Variants in LRRK1 observed in about 807,000 individuals in gnomAD.
The protein encoded by LRRK1 is leucine-rich repeat serine/threonine-protein kinase 1.
A neutral mutation model predicts 209.1 loss-of-function variants in LRRK1; 113 were observed. The observed-to-expected ratio is 0.54, with a 90% CI of 0.46 to 0.63. The LOEUF is 0.63. Ranked by LOEUF, LRRK1 falls within the 30% of genes least tolerant of loss-of-function variation. The pLI, the probability that LRRK1 is intolerant of heterozygous loss-of-function variation, is 0.00. For missense variants in LRRK1, 2,284 were observed against 2,632.2 expected (o/e 0.87, Z 2.89); for synonymous variants, 1,144 against 1,099.7 (o/e 1.04, Z -0.80).
intron 12 of LRRK1, among the ~76,000 whole-genome samples, chr15:101,017,689 T>A (rs2033606480): frequency 6.6e-6 from 1 of 152,172 alleles, no homozygotes; most frequent in South Asian, 2.1e-4. Context: ...ATCCCTAAAC[T>A]GTCCCCCTCA....
intron 20 of LRRK1, among the ~76,000 whole-genome samples, chr15:101,036,782 A>G (rs370063327): frequency 3.3e-5 from 5 of 152,224 alleles, no homozygotes; most frequent in African/African-American, 1.2e-4. Context: ...CTTTCTCCTG[A>G]AGAGGCATCT....
chr15:100,919,527 G>A lies in LRRK1; in HGVS notation c.-123+76G>A, dbSNP rs2041980240. 1 of 147,080 alleles carries A rather than the reference G, an allele frequency of 6.8e-6. No individual in the cohort carries two copies. The highest frequency in any genetic ancestry group is 6.8e-5 in the Admixed American group (1 of 14,806). The allele number at this position is 147,080 out of a possible 1,614,324, so 9.1% of individuals were successfully genotyped here. A position where few individuals can be genotyped will look rare whatever the true frequency, so the allele number is the denominator to read the frequency against. ...CCCGCCCGGGGAACCCAGAGCCCGC[G>A]CCCGGCGCCCGCGGGGAGCCTCGGC... On this transcript the variant is annotated intron_variant, in intron 1 of 33. Transcript: ENST00000388948. This position sits in a 1 kb window ranked among gnomAD's most constrained non-coding sequence, Gnocchi z 5.8.
At chr15:101,067,063 T>TC in intron 33 of LRRK1, among the ~76,000 whole-genome samples, 1 of 152,304 alleles carries the variant, frequency 6.6e-6, no homozygotes, top group East Asian at 1.9e-4. Context: ...GGTCATTGAT[T>TC]CACTGTTCTT....
chr15:100,931,884 C>T (rs777013528), intron 2 of LRRK1, among the ~76,000 whole-genome samples: 2 of 152,244 alleles, frequency 1.3e-5, no homozygotes, highest in Non-Finnish European at 2.9e-5. Flanking sequence ...TTCCACAATT[C>T]ACACAGTGGA....
chr15:100,928,023 C>T (rs970260436), intron 2 of LRRK1, among the ~76,000 whole-genome samples: 1 of 152,270 alleles, frequency 6.6e-6, no homozygotes, highest in African/African-American at 2.4e-5. Flanking sequence ...GTGGCCACGT[C>T]TGTGTGCTGG....
chr15:100,934,658 C>T lies in LRRK1; in HGVS notation c.97+9929C>T, dbSNP rs1014519677. Among the ~76,000 whole-genome samples, 34 of 147,740 alleles carry T rather than the reference C, an allele frequency of 2.3e-4. 1 individual carries two copies. The highest frequency in any genetic ancestry group is 8.2e-4 in the African/African-American group (33 of 40,004). On this transcript the variant is annotated intron_variant, in intron 2 of 33. Transcript: ENST00000388948. ...AAAAAAAAAAAAAAAAAAAATTAGC[C>T]GGTCGTGGAGGCACACACCTGTGGT... is the stretch of plus-strand genomic sequence containing the variant.
chr15:100,953,398 C>A (rs1008485539), intron 2 of LRRK1, among the ~76,000 whole-genome samples: 2 of 151,968 alleles, frequency 1.3e-5, no homozygotes, highest in Non-Finnish European at 2.9e-5. Flanking sequence ...CTGTGTCTGG[C>A]CTATTTCACT....
chr15:100,990,759 A>C (rs1406709389), intron 6 of LRRK1, among the ~76,000 whole-genome samples: 1 of 140,812 alleles, frequency 7.1e-6, no homozygotes, highest in South Asian at 2.2e-4. Context: ...TTAAGACTTT[A>C]TCATAAATGT....
At chr15:101,051,426 C>G (rs991821546) in intron 23 of LRRK1, among the ~76,000 whole-genome samples, 5 of 152,184 alleles carry the variant, frequency 3.3e-5, no homozygotes, top group African/African-American at 7.2e-5. Flanking sequence ...GGGATCCCCC[C>G]ACTCCTCTCA....
At chr15:100,952,743 A>G (rs1236270668) in intron 2 of LRRK1, among the ~76,000 whole-genome samples, 1 of 152,184 alleles carries the variant, frequency 6.6e-6, no homozygotes, top group Admixed American at 6.5e-5. Flanking sequence ...ACGTTTTATC[A>G]CAGTAATCAT....
At position 101,012,404 on chromosome 15, in the gene LRRK1, C is replaced by T. The variant is rs115100010; in HGVS notation, c.1419+259C>T. Among the ~76,000 whole-genome samples, 1,075 of 152,310 alleles carry T rather than the reference C, an allele frequency of 7.1e-3. 16 individuals carry two copies. The highest frequency in any genetic ancestry group is 0.025 in the African/African-American group (1,042 of 41,556). On this transcript the variant is annotated intron_variant, in intron 10 of 33. Transcript: ENST00000388948. Reference sequence around the variant, plus strand: ...GGACTTTCTTTAAGTCCACGGCCTGCCCATATATGAGGCTGAGTGGACACT... The same window carrying T: ...GGACTTTCTTTAAGTCCACGGCCTGTCCATATATGAGGCTGAGTGGACACT...
At chr15:100,951,730 T>A (rs971013720) in intron 2 of LRRK1, among the ~76,000 whole-genome samples, 8 of 152,214 alleles carry the variant, frequency 5.3e-5, no homozygotes, top group Non-Finnish European at 1.2e-4. Context: ...GACAGGTGGA[T>A]CATCTCAGGT....
At chr15:101,066,587 G>C (rs879794769) in intron 32 of LRRK1, 53 bp from the exon 33 acceptor site, 2 of 1,549,462 alleles carry the variant, frequency 1.3e-6, no homozygotes, top group Non-Finnish European at 1.8e-6. Context: ...TTCACTCCCC[G>C]GAGAGCACGG....
intron 29 of LRRK1, among the ~76,000 whole-genome samples, chr15:101,058,617 C>CGGGGGCG (rs2035957956): frequency 1.3e-5 from 1 of 75,366 alleles, no homozygotes; most frequent in African/African-American, 7.8e-5. Flanking sequence ...GAAGGGGCAA[C>CGGGGGCG]GGGGGGGGGC....
rs146513356 is a variant in LRRK1 at position 101,015,302 on chromosome 15, T to G, written c.1533-24T>G. 3.4e-4 allele frequency: 541 copies of G among 1,592,988 alleles called. 5 individuals are homozygous for G. The East Asian group carries it at 7.9e-3, about 23-fold the overall frequency. ...TGCTTTTGTCGTGCTGTCCTCAAAT[T>G]TTGTCTCTTTTTCCTCCCCCCAGAA... is the stretch of plus-strand genomic sequence containing the variant. On this transcript the variant is annotated intron_variant, in intron 11 of 33. Coordinates refer to ENST00000388948, the MANE Select transcript of LRRK1 (RefSeq NM_024652.6).
At chr15:101,026,176 G>A in intron 17 of LRRK1, 39 bp downstream of exon 17, 1 of 1,590,386 alleles carries the variant, frequency 6.3e-7, no homozygotes, top group East Asian at 2.2e-5. Context: ...CCTTCTTGTG[G>A]GTGCCAGTCG....
At chr15:100,956,745 G>C (rs1296077340) in intron 2 of LRRK1, among the ~76,000 whole-genome samples, 56 of 152,138 alleles carry the variant, frequency 3.7e-4, no homozygotes, top group Non-Finnish European at 4.4e-5. Context: ...TTGCAGGCGT[G>C]AGCCACCATG....
intron 22 of LRRK1, 163 bp from the exon 23 acceptor site, chr15:101,049,481 C>T (rs111418859): frequency 0.02 from 13,839 of 702,862 alleles, 576 homozygotes; most frequent in African/African-American, 0.13. Flanking sequence ...CAAGGCAGGG[C>T]CACGCACACG....
At chr15:100,958,887 T>A (rs2042817133) in intron 2 of LRRK1, among the ~76,000 whole-genome samples, 1 of 152,208 alleles carries the variant, frequency 6.6e-6, no homozygotes, top group South Asian at 2.1e-4. Flanking sequence ...CTCTGGGACT[T>A]CCTTCCCTGC....
Sources: gnomAD v4.1 joint callset for allele counts (sites outside exome capture counted in the v4.1 genomes callset) on GRCh38, gnomAD v4.1.1 for gene constraint, Gnocchi (gnomAD v3.1) non-coding constraint, MANE v1.5 for transcripts, NCBI Gene and HGNC (gene_info 2026-07-23, HGNC 2026-07-21) for gene names.